Variants in IL6ST observed in about 807,000 individuals in gnomAD.
The protein encoded by IL6ST is interleukin 6 cytokine family signal transducer, also known as interleukin-6 receptor subunit beta.
In IL6ST, 24 loss-of-function variants were observed where a neutral mutation model predicts 91.3. The ratio of observed to expected loss-of-function variants is 0.26; its 90% CI spans 0.19 to 0.37. The LOEUF is 0.37. Among genes scored for constraint, IL6ST ranks in the 10% least tolerant of loss-of-function variants. The probability of loss-of-function intolerance (pLI) is 1.00; values close to 1 mark genes in which losing one functional copy is unlikely to be tolerated. For synonymous variants in IL6ST, 351 were observed against 373.6 expected (o/e 0.94, Z 0.70); for missense variants, 914 against 1,078.5 (o/e 0.85, Z 2.14).
At position 55,957,656 on chromosome 5, in the gene IL6ST, C is replaced by A. The variant is rs528305162; in HGVS notation, c.974-365G>T. Among the ~76,000 whole-genome samples the A allele has an allele frequency of 6.6e-5, 10 of 152,290 alleles. No homozygotes were observed. In the South Asian group the frequency reaches 2.1e-3, roughly 32 times the overall value. On this transcript the variant is annotated intron_variant, in intron 8 of 16. Coordinates refer to ENST00000381298, the MANE Select transcript of IL6ST (RefSeq NM_002184.4). ...TCCTGTACCAGCAGCCTTTTCCCAG[C>A]CTTCCTGGTCTGCCTGTCCTCACTT...
intron 5 of IL6ST, among the ~76,000 whole-genome samples, chr5:55,967,931 G>C (rs1196400065): frequency 1.3e-5 from 2 of 152,102 alleles, no homozygotes; most frequent in Non-Finnish European, 2.9e-5. Flanking sequence ...GAGTCACTGG[G>C]ATTACAGGCA....
chr5:55,988,965 TA>T (rs1169888123), intron 1 of IL6ST, among the ~76,000 whole-genome samples: 1,522 of 136,694 alleles, frequency 0.011, 29 homozygotes, highest in African/African-American at 0.037. Flanking sequence ...AAAAAAAAAA[TA>T]AAAAAAAAAA....
intron 1 of IL6ST, among the ~76,000 whole-genome samples, chr5:55,989,134 C>CAA (rs1361566435): frequency 5.4e-5 from 3 of 55,902 alleles, no homozygotes; most frequent in African/African-American, 1.9e-4. Context: ...GGCTCTGTCT[C>CAA]AAAAAAAAAA....
rs2111745449 is a variant in IL6ST, at chr5:55,960,473, C to T, written c.902G>A (p.Cys301Tyr). The stretch of plus-strand genomic sequence containing the variant: ...GTATCCCTTACCATCTTCCTTCATA[C>T]AGCGAATCCTAAACACATATTCTGT... Reference protein sequence around the residue: ...PFTEYVFRIRCMKEDGKGYWS... With the variant: ...PFTEYVFRIRYMKEDGKGYWS... The change falls in exon 8 of 17, where the codon TGT becomes TAT. Residue 301 changes from cysteine (C) to tyrosine (Y), a missense_variant. Cys to Tyr is a radical substitution (Grantham distance 194). Coordinates refer to ENST00000381298, the MANE Select transcript of IL6ST (RefSeq NM_002184.4). 6.2e-7 allele frequency: 1 copy of T among 1,613,982 alleles called. No individual in the cohort carries two copies. Among genetic ancestry groups the T allele is most frequent in the Non-Finnish European group, 8.5e-7 (1 of 1,179,872 alleles).
At chr5:55,965,021 A>G (rs1466213528) in intron 5 of IL6ST, among the ~76,000 whole-genome samples, 1 of 152,190 alleles carries the variant, frequency 6.6e-6, no homozygotes, top group African/African-American at 2.4e-5. Flanking sequence ...TACTATTAAT[A>G]GATTTGACTT....
rs1375100721 is a variant in IL6ST, at chr5:55,982,723, C to G, written c.-16+1G>C. ...AAATTCAGACAAGATCAATTACTTA[C>G]CCAAATCACAAAATTAGTAAGTGAA... is the stretch of plus-strand genomic sequence containing the variant. On this transcript the variant is annotated splice_donor_variant, in intron 2 of 16. Transcript: ENST00000381298. LOFTEE classifies it low-confidence loss of function (5UTR_SPLICE). The G allele has an allele frequency of 1.3e-5, 5 of 398,136 alleles. No individual in the cohort carries two copies. The highest frequency in any genetic ancestry group is 2.2e-5 in the Non-Finnish European group (5 of 225,914). The allele number at this position is 398,136 out of a possible 1,614,324, so 24.7% of individuals were successfully genotyped here.
At position 55,936,353 on chromosome 5, in the gene IL6ST, T is replaced by TG. The variant is rs1750530387; in HGVS notation, c.*4728_*4729insC. The TG allele has an allele frequency of 1.9e-5, 4 of 212,326 alleles. No homozygotes were observed. The highest frequency in any genetic ancestry group is 7.0e-5 in the African/African-American group (3 of 42,648). 13.2% of individuals were successfully genotyped at this position (212,326 alleles called of 1,614,324 possible). On this transcript the variant is annotated 3_prime_UTR_variant, in exon 17 of 17. Coordinates refer to ENST00000381298, the MANE Select transcript of IL6ST (RefSeq NM_002184.4). The stretch of plus-strand genomic sequence containing the variant: ...GACAACCAAGTAGGTTTTTTTTTTT[T>TG]TTTTTTTTTTTAATGTCCACTAGGA...
rs540921046 is a variant in IL6ST, at chr5:55,935,707, C to T, written c.*5375G>A. 6.0e-5 allele frequency: 13 copies of T among 217,918 alleles called. No homozygotes were observed. Among genetic ancestry groups the T allele is most frequent in the Admixed American group, 1.2e-4 (2 of 17,244 alleles). 13.5% of individuals were successfully genotyped at this position (217,918 alleles called of 1,614,324 possible). On this transcript the variant is annotated 3_prime_UTR_variant, in exon 17 of 17. Transcript: ENST00000381298. Reference sequence around the variant, plus strand: ...GGACTTAAGTATGGAAGAGCCTATACGCAGTTGTAATATATTTCGTATTTT... The same window carrying T: ...GGACTTAAGTATGGAAGAGCCTATATGCAGTTGTAATATATTTCGTATTTT...
chr5:55,940,957 T>A lies in IL6ST; in HGVS notation c.*125A>T, dbSNP rs1750864998. 15 of 922,562 alleles carry A rather than the reference T, an allele frequency of 1.6e-5. No individual in the cohort carries two copies. The highest frequency in any genetic ancestry group is 2.7e-5 in the Admixed American group (1 of 37,054). 57.1% of individuals were successfully genotyped at this position (922,562 alleles called of 1,614,324 possible). On this transcript the variant is annotated 3_prime_UTR_variant, in exon 17 of 17. Coordinates refer to ENST00000381298, the MANE Select transcript of IL6ST (RefSeq NM_002184.4). The stretch of plus-strand genomic sequence containing the variant: ...CTCATGTGAAACTTCAGTTCATTTT[T>A]GTCCTTAAGGGCAAATGATCATCTT...
chr5:55,952,245 C>T lies in IL6ST; in HGVS notation c.1552+5G>A. ...TTTTTTTCAAAGAAGTGAGTTTGGACTTACGAGCTTGTTTAAGGTATGCCT... is the reference window on the plus strand; with the variant it reads ...TTTTTTTCAAAGAAGTGAGTTTGGATTTACGAGCTTGTTTAAGGTATGCCT... On this transcript the variant is annotated splice_donor_5th_base_variant and intron_variant, in intron 12 of 16. Transcript: ENST00000381298. 4 of 1,599,146 alleles carry T rather than the reference C, an allele frequency of 2.5e-6. No individual in the cohort carries two copies. The highest frequency in any genetic ancestry group is 3.4e-6 in the Non-Finnish European group (4 of 1,168,866).
In IL6ST at chr5:55,957,238, C is replaced by T; in HGVS notation, c.1027G>A (p.Gly343Ser). 6.4e-7 allele frequency: 1 copy of T among 1,566,270 alleles called. No homozygotes were observed. Among genetic ancestry groups the T allele is most frequent in the Non-Finnish European group, 8.7e-7 (1 of 1,150,854 alleles). The change falls in exon 9 of 17, where the codon GGC (glycine) becomes AGC (serine). Residue 343 changes from glycine (G) to serine (S), a missense_variant. Gly to Ser is a moderately conservative substitution (Grantham distance 56). Transcript: ENST00000381298. ...CACACGAGTTGTACAGTTCTGTAGC[C>T]TTGAGTATGGGATGGATCTATTTTA... ...WYKIDPSHTQ[G>S]YRTVQLVWKT...
rs549927199 is a variant in IL6ST, at chr5:55,945,924, C to T, written c.1937+1569G>A. 1.0e-3 allele frequency among the ~76,000 whole-genome samples: 155 copies of T among 152,144 alleles called. 1 individual carries two copies. The highest frequency in any genetic ancestry group is 3.5e-3 in the South Asian group (17 of 4,816). On this transcript the variant is annotated intron_variant, in intron 15 of 16. Transcript: ENST00000381298. Reference sequence around the variant, plus strand: ...TTGACCTCCCAAAGTGGTGGGATTACAGGCGTAAAACTTCTGCTTTTCTAA... The same window carrying T: ...TTGACCTCCCAAAGTGGTGGGATTATAGGCGTAAAACTTCTGCTTTTCTAA...
chr5:55,966,213 T>C (rs1024937225), intron 5 of IL6ST, among the ~76,000 whole-genome samples: 2 of 152,178 alleles, frequency 1.3e-5, no homozygotes, highest in African/African-American at 4.8e-5. Flanking sequence ...CATGATTAAA[T>C]TTCGGAAACA....
At chr5:55,948,537 CAT>C (rs374790595) in intron 14 of IL6ST, among the ~76,000 whole-genome samples, 304 of 147,352 alleles carry the variant, frequency 2.1e-3, no homozygotes, top group African/African-American at 6.0e-3. Flanking sequence ...TGCTAAGCAT[CAT>C]ATATATATAT....
At chr5:55,970,470 C>T (rs974630788) in intron 3 of IL6ST, among the ~76,000 whole-genome samples, 3 of 151,974 alleles carry the variant, frequency 2.0e-5, no homozygotes, top group Non-Finnish European at 4.4e-5. Context: ...GAGGATCGCT[C>T]GAGCTCAGGA....
chr5:55,993,310 A>G (rs1471206241), intron 1 of IL6ST, among the ~76,000 whole-genome samples: 1 of 152,248 alleles, frequency 6.6e-6, no homozygotes, highest in Non-Finnish European at 1.5e-5. Context: ...GGAGTCACAC[A>G]GATCTAGTTT....
chr5:55,971,530 C>T (rs1330643747), intron 3 of IL6ST, among the ~76,000 whole-genome samples: 2 of 152,156 alleles, frequency 1.3e-5, no homozygotes, highest in Admixed American at 6.5e-5. Flanking sequence ...GCTTCAATGT[C>T]CACAATTTTA....
At chr5:55,963,879 T>C (rs1199458925) in intron 6 of IL6ST, among the ~76,000 whole-genome samples, 5 of 152,178 alleles carry the variant, frequency 3.3e-5, no homozygotes, top group African/African-American at 4.8e-5. Context: ...TGTGGTTGGA[T>C]TATGGATATT....
chr5:55,945,434 T>C (rs1751183857), intron 15 of IL6ST, among the ~76,000 whole-genome samples: 1 of 151,986 alleles, frequency 6.6e-6, no homozygotes. Context: ...ACAATGGAAT[T>C]AGACATCTGA....
Sources: gnomAD v4.1 joint callset for allele counts (sites outside exome capture counted in the v4.1 genomes callset) on GRCh38, gnomAD v4.1.1 for gene constraint, MANE v1.5 for transcripts, NCBI Gene and HGNC (gene_info 2026-07-23, HGNC 2026-07-21) for gene names.